Variants in LIN52 observed in about 807,000 individuals in gnomAD.
LIN52 encodes the protein lin-52 DREAM MuvB core complex component.
In LIN52, 4 loss-of-function variants were observed where a neutral mutation model predicts 18.5. The observed-to-expected ratio is 0.22, with a 90% CI of 0.11 to 0.49. LIN52 has a LOEUF of 0.49. LIN52 is among the 20% of genes least tolerant of loss of function. The probability of loss-of-function intolerance (pLI) is 0.97; values close to 1 mark genes in which losing one functional copy is unlikely to be tolerated. For missense variants in LIN52, 102 were observed against 139.5 expected, an observed-to-expected ratio of 0.73 and a Z score of 1.35; for synonymous variants, 34 against 45.5, an observed-to-expected ratio of 0.75 and a Z score of 1.02.
chr14:74,141,477 A>C (rs2061130507), intron 5 of LIN52, among the ~76,000 whole-genome samples: 1 of 152,170 alleles, frequency 6.6e-6, no homozygotes, highest in Non-Finnish European at 1.5e-5. Context: ...TTTGACTTGG[A>C]CCTTATAAAT....
intron 5 of LIN52, among the ~76,000 whole-genome samples, chr14:74,175,514 A>G (rs1285156886): frequency 2.0e-5 from 3 of 151,656 alleles, no homozygotes; most frequent in Admixed American, 1.3e-4. Flanking sequence ...GCAATATAGC[A>G]AGACCCTGTC....
Position 74,163,984 on chromosome 14 carries a change from A to ATT in LIN52, c.284-34924_284-34923dup, listed in dbSNP as rs35991875. 1.4e-3 allele frequency among the ~76,000 whole-genome samples: 198 copies of ATT among 146,614 alleles called. 1 individual carries two copies. Among genetic ancestry groups the ATT allele is most frequent in the South Asian group, 4.8e-3 (22 of 4,588 alleles). ...AGTGGAAGATGGGGTCTGTACTGAA[A>ATT]TTTTTTTTTTTTTTTGAGACAGAGA... On this transcript the variant is annotated intron_variant, in intron 5 of 5. Coordinates refer to ENST00000555028, the MANE Select transcript of LIN52 (RefSeq NM_001024674.3).
intron 5 of LIN52, among the ~76,000 whole-genome samples, chr14:74,197,738 G>A (rs1201834930): frequency 6.6e-6 from 1 of 152,188 alleles, no homozygotes; most frequent in African/African-American, 2.4e-5. Context: ...ATAGACTGAA[G>A]TTACAAAAGC....
At chr14:74,086,212 G>A (rs2060730169) in intron 1 of LIN52, among the ~76,000 whole-genome samples, 1 of 152,062 alleles carries the variant, frequency 6.6e-6, no homozygotes, top group Admixed American at 6.6e-5. Flanking sequence ...GTTGGATCCA[G>A]GTTTAGCACA....
intron 5 of LIN52, among the ~76,000 whole-genome samples, chr14:74,142,560 A>C (rs2061135999): frequency 6.6e-6 from 1 of 151,934 alleles, no homozygotes; most frequent in Non-Finnish European, 1.5e-5. Context: ...TTTGAAGTTA[A>C]ATTAATTAAA....
chr14:74,134,634 T>TC (rs1486183161), intron 5 of LIN52, among the ~76,000 whole-genome samples: 3 of 150,548 alleles, frequency 2.0e-5, no homozygotes, highest in Non-Finnish European at 3.0e-5. Context: ...CTGGCCCCCC[T>TC]CCCCCATTTT....
chr14:74,101,267 G>T (rs111771040), intron 5 of LIN52, 29 bp downstream of exon 5: 1 of 1,538,256 alleles, frequency 6.5e-7, no homozygotes, highest in East Asian at 2.3e-5. Flanking sequence ...TTTGTTCAGG[G>T]GTGTATTCCA....
intron 5 of LIN52, among the ~76,000 whole-genome samples, chr14:74,146,287 T>C (rs2061152205): frequency 1.3e-5 from 2 of 152,222 alleles, no homozygotes; most frequent in Non-Finnish European, 2.9e-5. Flanking sequence ...GAACTATTCA[T>C]GTCATATATC....
chr14:74,178,082 T>C (rs2061301562), intron 5 of LIN52, among the ~76,000 whole-genome samples: 1 of 152,094 alleles, frequency 6.6e-6, no homozygotes, highest in South Asian at 2.1e-4. Flanking sequence ...ACCCGGCCTG[T>C]TGTTGTTTTT....
chr14:74,192,008 T>G (rs373778975), intron 5 of LIN52, among the ~76,000 whole-genome samples: 1 of 152,216 alleles, frequency 6.6e-6, no homozygotes, highest in African/African-American at 2.4e-5. Flanking sequence ...TAGCTCCACC[T>G]AGTACCCGAC....
At chr14:74,169,949 C>T (rs1295875149) in intron 5 of LIN52, among the ~76,000 whole-genome samples, 3 of 152,150 alleles carry the variant, frequency 2.0e-5, no homozygotes, top group Admixed American at 1.3e-4. Context: ...TCAGGAAAAG[C>T]TTCACAGAAG....
chr14:74,103,747 T>G (rs1266634401), intron 5 of LIN52, among the ~76,000 whole-genome samples: 3 of 137,106 alleles, frequency 2.2e-5, no homozygotes, highest in African/African-American at 8.1e-5. Context: ...TTTTTTTTTT[T>G]TTTTTTTTTT....
intron 5 of LIN52, among the ~76,000 whole-genome samples, chr14:74,105,369 T>C (rs1002876827): frequency 1.3e-5 from 2 of 152,208 alleles, no homozygotes; most frequent in African/African-American, 4.8e-5. Flanking sequence ...TGTTCAGAAT[T>C]ATCTTCTACC....
intron 5 of LIN52, among the ~76,000 whole-genome samples, chr14:74,159,980 CAG>C (rs1257491645): frequency 1.3e-5 from 2 of 152,196 alleles, no homozygotes; most frequent in South Asian, 2.1e-4. Flanking sequence ...TAATTTTCAG[CAG>C]AGAGTTTCTA....
intron 3 of LIN52, 146 bp from the exon 4 acceptor site, chr14:74,097,648 C>A (rs1359009278): frequency 3.6e-6 from 2 of 548,726 alleles, no homozygotes; most frequent in Non-Finnish European, 6.4e-6. Context: ...GTTGGCCAGG[C>A]GGGTCTCGAA....
chr14:74,176,085 A>G (rs1434190893), intron 5 of LIN52, among the ~76,000 whole-genome samples: 2 of 152,196 alleles, frequency 1.3e-5, no homozygotes, highest in African/African-American at 2.4e-5. Context: ...CTTCAGAGGC[A>G]GTAACACACA....
chr14:74,184,954 A>T (rs558035467), intron 5 of LIN52, among the ~76,000 whole-genome samples: 11 of 151,346 alleles, frequency 7.3e-5, no homozygotes, highest in African/African-American at 2.4e-5. Flanking sequence ...CTTTTTAAAA[A>T]TTTTTTCTTA....
intron 5 of LIN52, among the ~76,000 whole-genome samples, chr14:74,126,409 G>T (rs1342344652): frequency 6.6e-6 from 1 of 152,104 alleles, no homozygotes; most frequent in Non-Finnish European, 1.5e-5. Flanking sequence ...TTGAAAACAG[G>T]TACTCAAACA....
intron 5 of LIN52, among the ~76,000 whole-genome samples, chr14:74,162,462 A>G (rs7143406): frequency 0.48 from 65,863 of 136,350 alleles, 16,556 homozygotes; most frequent in Non-Finnish European, 0.53. Flanking sequence ...CAACAAAGCA[A>G]GACTCCATCT....
Sources: allele counts gnomAD v4.1 joint callset (sites outside exome capture counted in the v4.1 genomes callset), GRCh38; gene constraint gnomAD v4.1.1; transcripts MANE v1.5; gene names NCBI Gene and HGNC (gene_info 2026-07-23, HGNC 2026-07-21).